The following ASS1 variants were observed in gnomAD, a reference collection of about 807,000 sequenced individuals.
The protein encoded by ASS1 is argininosuccinate synthase 1.
Under a neutral mutation model 60.5 loss-of-function variants are expected in ASS1, and 58 were observed. The ratio of observed to expected loss-of-function variants is 0.96; its 90% CI spans 0.78 to 1.19. ASS1 has a LOEUF of 1.19. Ranked by LOEUF, ASS1 falls within the 50% of genes most tolerant of loss-of-function variation. The probability of loss-of-function intolerance (pLI) is 0.00; values close to 1 mark genes in which losing one functional copy is unlikely to be tolerated. For synonymous variants in ASS1, 200 were observed against 206.9 expected (o/e 0.97, Z 0.29); for missense variants, 454 against 547.3 (o/e 0.83, Z 1.70).
Position 130,489,194 on chromosome 9 carries a change from TG to T in ASS1, c.839-138del, listed in dbSNP as rs1846384244. 8.4e-7 allele frequency: 1 copy of T among 1,186,684 alleles called. No individual in the cohort carries two copies. The highest frequency in any genetic ancestry group is 1.5e-5 in the African/African-American group (1 of 64,788). The allele number at this position is 1,186,684 out of a possible 1,614,324, so 73.5% of individuals were successfully genotyped here. A position where few individuals can be genotyped will look rare whatever the true frequency, so the allele number is the denominator to read the frequency against. ...GATGCATTTTGCAGCAAGCTGGGAG[TG>T]AATGGGTCCGGCCGGCTTGTCTCCT... is the stretch of plus-strand genomic sequence containing the variant. On this transcript the variant is annotated intron_variant, in intron 11 of 14. Coordinates refer to ENST00000352480, the MANE Select transcript of ASS1 (RefSeq NM_054012.4). The surrounding 1 kb of genome is among the most constrained non-coding windows in gnomAD (Gnocchi z 4.1).
At chr9:130,461,674 CT>C (rs1457378624) in intron 4 of ASS1, among the ~76,000 whole-genome samples, 1 of 152,240 alleles carries the variant, frequency 6.6e-6, no homozygotes, top group Non-Finnish European at 1.5e-5. Context: ...CCAACAGCCT[CT>C]GGAGACAATT....
At chr9:130,471,372 C>A in intron 7 of ASS1, 113 bp from the exon 8 acceptor site, 1 of 1,348,462 alleles carries the variant, frequency 7.4e-7, no homozygotes, top group Non-Finnish European at 1.1e-6. Flanking sequence ...GATGCTCTGG[C>A]AGAGAGTAAA....
intron 8 of ASS1, among the ~76,000 whole-genome samples, chr9:130,473,366 G>C (rs1845920360): frequency 6.6e-6 from 1 of 152,164 alleles, no homozygotes; most frequent in African/African-American, 2.4e-5. Context: ...CTTCATGGGA[G>C]GAAGGGTCCA....
At chr9:130,444,766 G>A (rs1483520132), upstream of ASS1, among the ~76,000 whole-genome samples, 1 of 151,918 alleles carries the variant, frequency 6.6e-6, no homozygotes, top group Non-Finnish European at 1.5e-5. This position sits in a 1 kb window ranked among gnomAD's most constrained non-coding sequence, Gnocchi z 4.7. Context: ...CTGGTGGGAG[G>A]CGGGGGGAGG....
intron 8 of ASS1, among the ~76,000 whole-genome samples, chr9:130,475,567 A>G (rs576551128): frequency 6.6e-6 from 1 of 152,186 alleles, no homozygotes; most frequent in Admixed American, 6.5e-5. Context: ...GCCAGGGAAC[A>G]AGTCCCACGT....
chr9:130,499,569 AG>A lies in ASS1; in HGVS notation c.1193+1del. 6.2e-7 allele frequency: 1 copy of A among 1,613,190 alleles called. No homozygotes were observed. The highest frequency in any genetic ancestry group is 8.5e-7 in the Non-Finnish European group (1 of 1,179,632). Reference protein sequence around the residue: ...ATGFININSLRLKEYHRLQSK... With the variant: ...ATGFININSLXLKEYHRLQSK... ...CGGGTTCATCAACATCAATTCCCTC[AG>A]GTGAGAAGCTCAGGGCCCTGACGGG... On this transcript the variant is annotated frameshift_variant and splice_region_variant, in exon 14 of 15. Coordinates refer to ENST00000352480, the MANE Select transcript of ASS1 (RefSeq NM_054012.4). LOFTEE classifies it high-confidence loss of function.
At chr9:130,483,068 C>G (rs1846209388) in intron 11 of ASS1, among the ~76,000 whole-genome samples, 1 of 152,130 alleles carries the variant, frequency 6.6e-6, no homozygotes, top group Non-Finnish European at 1.5e-5. Context: ...GACAAAGTTG[C>G]TAGGTAATTT....
intron 11 of ASS1, among the ~76,000 whole-genome samples, chr9:130,484,310 T>C (rs506705): frequency 0.59 from 89,732 of 152,006 alleles, 26,731 homozygotes; most frequent in South Asian, 0.67. Context: ...TTGCTCATTC[T>C]GCCTAACCTG....
intron 1 of ASS1, 84 bp from the exon 2 acceptor site, chr9:130,452,140 G>C: frequency 1.6e-6 from 2 of 1,214,558 alleles, no homozygotes; most frequent in African/African-American, 3.0e-5. Context: ...CCAAGGCCAA[G>C]GTCGGGGCTG....
At chr9:130,465,034 TTATA>T (rs200387339) in intron 5 of ASS1, among the ~76,000 whole-genome samples, 4,374 of 139,190 alleles carry the variant, frequency 0.031, 75 homozygotes, top group Non-Finnish European at 0.039. Flanking sequence ...TACATATGTT[TTATA>T]TATATATATA....
intron 8 of ASS1, among the ~76,000 whole-genome samples, chr9:130,475,555 G>A (rs536733763): frequency 6.6e-6 from 1 of 152,234 alleles, no homozygotes; most frequent in South Asian, 2.1e-4. Flanking sequence ...CCTGTCCTGA[G>A]TGCCAGGGAA....
At chr9:130,497,488 T>TA (rs56795102) in intron 13 of ASS1, among the ~76,000 whole-genome samples, 6,448 of 142,700 alleles carry the variant, frequency 0.045, 466 homozygotes, top group African/African-American at 0.16. Flanking sequence ...TCAGGGGAGG[T>TA]AAAAAAAAAA....
chr9:130,446,478 A>G (rs528339710), intron 1 of ASS1, among the ~76,000 whole-genome samples: 1 of 152,176 alleles, frequency 6.6e-6, no homozygotes, highest in Non-Finnish European at 1.5e-5. Flanking sequence ...TCTGTGCACC[A>G]TGCTGAGAAG....
At chr9:130,479,451 C>T (rs983573219) in intron 9 of ASS1, among the ~76,000 whole-genome samples, 2 of 152,106 alleles carry the variant, frequency 1.3e-5, no homozygotes, top group Non-Finnish European at 2.9e-5. Context: ...TTCACAGCCC[C>T]TAAATGCAAA....
intron 4 of ASS1, 121 bp from the exon 5 acceptor site, chr9:130,463,990 C>A: frequency 9.8e-7 from 1 of 1,024,102 alleles, no homozygotes; most frequent in Non-Finnish European, 1.5e-6. Context: ...CATGACCTCA[C>A]ATGTGTACAC....
chr9:130,463,098 C>T (rs1845642969), intron 4 of ASS1, among the ~76,000 whole-genome samples: 1 of 152,270 alleles, frequency 6.6e-6, no homozygotes, highest in Non-Finnish European at 1.5e-5. Flanking sequence ...AGGCTGAACC[C>T]TGGATTCTGT....
At chr9:130,445,249 AG>A (rs1845168368) in intron 1 of ASS1, 16 of 131,986 alleles carry the variant, frequency 1.2e-4, no homozygotes, top group Non-Finnish European at 1.6e-4. Context: ...CGGGGGCGCG[AG>A]TCCCCGGGTC....
intron 8 of ASS1, among the ~76,000 whole-genome samples, chr9:130,473,163 G>C (rs1845913426): frequency 6.6e-6 from 1 of 152,166 alleles, no homozygotes. Context: ...CCAGAGACAG[G>C]AAACCCGAGT....
chr9:130,497,144 G>A (rs1255217475), intron 13 of ASS1, among the ~76,000 whole-genome samples: 1 of 152,026 alleles, frequency 6.6e-6, no homozygotes, highest in Non-Finnish European at 1.5e-5. Flanking sequence ...CAAATCAACA[G>A]CCTCTAATAA....
Sources: gnomAD v4.1 joint callset for allele counts (sites outside exome capture counted in the v4.1 genomes callset) on GRCh38, gnomAD v4.1.1 for gene constraint, Gnocchi (gnomAD v3.1) non-coding constraint, MANE v1.5 for transcripts, NCBI Gene and HGNC (gene_info 2026-07-23, HGNC 2026-07-21) for gene names.